Variants in DDX10 observed in about 807,000 individuals in gnomAD.
DDX10 encodes the protein DEAD-box helicase 10, also known as probable ATP-dependent RNA helicase DDX10.
A neutral mutation model predicts 104.3 loss-of-function variants in DDX10; 74 were observed. That is an observed-to-expected ratio of 0.71 (90% CI 0.59 to 0.86). DDX10 has a LOEUF of 0.86. Among genes scored for constraint, DDX10 ranks in the 40% least tolerant of loss-of-function variants. DDX10 has a pLI of 0.00. For missense variants in DDX10, 952 were observed against 1,040.0 expected (o/e 0.92, Z 1.16); for synonymous variants, 351 against 353.4 (o/e 0.99, Z 0.08).
intron 16 of DDX10, among the ~76,000 whole-genome samples, chr11:108,867,777 A>G (rs566654327): frequency 1.3e-5 from 2 of 152,300 alleles, no homozygotes; most frequent in Admixed American, 1.3e-4. Context: ...AGGAAAATGT[A>G]TAGGAAAATT....
intron 9 of DDX10, 53 bp downstream of exon 9, chr11:108,693,653 A>G (rs1294160948): frequency 1.5e-6 from 2 of 1,374,010 alleles, no homozygotes; most frequent in Non-Finnish European, 2.1e-6. Context: ...ATAACAAAGC[A>G]TGCTTTTCCA....
intron 16 of DDX10, among the ~76,000 whole-genome samples, chr11:108,911,212 A>G (rs564834234): frequency 1.3e-5 from 2 of 152,330 alleles, no homozygotes; most frequent in South Asian, 2.1e-4. Flanking sequence ...TGTGTCTGCT[A>G]TACATAATAG....
intron 13 of DDX10, among the ~76,000 whole-genome samples, chr11:108,734,655 T>C (rs1335356042): frequency 1.3e-5 from 2 of 151,954 alleles, no homozygotes. Flanking sequence ...TTATAACATC[T>C]GCTAACTACT....
chr11:108,832,000 A>G (rs1862479564), intron 13 of DDX10, among the ~76,000 whole-genome samples: 1 of 152,144 alleles, frequency 6.6e-6, no homozygotes, highest in African/African-American at 2.4e-5. Context: ...TGCAAATAGA[A>G]ATGAAAGTCA....
Position 108,787,645 on chromosome 11 carries a change from G to C in DDX10, c.1966-50801G>C, listed in dbSNP as rs569119380. 2.0e-5 allele frequency among the ~76,000 whole-genome samples: 3 copies of C among 152,038 alleles called. No individual in the cohort carries two copies. In the South Asian group the frequency reaches 6.2e-4, roughly 32 times the overall value. On this transcript the variant is annotated intron_variant, in intron 13 of 17. Transcript: ENST00000322536. ...TATTCTGCTGTTAATACTTTTGATT[G>C]TAAGGGGCTGGGTGCGATGGCTCAC...
At chr11:108,742,093 C>G (rs2094325871) in intron 13 of DDX10, among the ~76,000 whole-genome samples, 1 of 151,788 alleles carries the variant, frequency 6.6e-6, no homozygotes, top group Non-Finnish European at 1.5e-5. Context: ...AACCCTGTTT[C>G]TACTAAAAAT....
At chr11:108,685,475 C>T (rs2094242513) in intron 6 of DDX10, among the ~76,000 whole-genome samples, 1 of 151,954 alleles carries the variant, frequency 6.6e-6, no homozygotes, top group Non-Finnish European at 1.5e-5. Flanking sequence ...GATGGAAATG[C>T]AGAAATCACC....
intron 13 of DDX10, among the ~76,000 whole-genome samples, chr11:108,736,588 T>G (rs1001373278): frequency 1.3e-5 from 2 of 152,154 alleles, no homozygotes. Context: ...AAGAGGTGAT[T>G]AGGTCATGAG....
At chr11:108,765,383 C>T (rs1345716745) in intron 13 of DDX10, among the ~76,000 whole-genome samples, 2 of 152,110 alleles carry the variant, frequency 1.3e-5, no homozygotes, top group Non-Finnish European at 2.9e-5. Context: ...TAAAGTTTCA[C>T]ATACTGTAGT....
At chr11:108,812,917 G>A (rs1862203501) in intron 13 of DDX10, among the ~76,000 whole-genome samples, 1 of 141,962 alleles carries the variant, frequency 7.0e-6, no homozygotes, top group South Asian at 2.3e-4. Flanking sequence ...AGTAGGTGGA[G>A]GTTGCAGTGA....
chr11:108,877,223 G>T (rs974313118), intron 16 of DDX10, among the ~76,000 whole-genome samples: 2 of 152,074 alleles, frequency 1.3e-5, no homozygotes, highest in Non-Finnish European at 2.9e-5. Context: ...TTAAAGCTTG[G>T]TACAAACTTG....
intron 7 of DDX10, among the ~76,000 whole-genome samples, chr11:108,689,848 G>A (rs772144047): frequency 6.6e-6 from 1 of 152,150 alleles, no homozygotes; most frequent in Non-Finnish European, 1.5e-5. Flanking sequence ...ATGTAGATGG[G>A]TTTCTCTCTA....
At chr11:108,739,105 A>G (rs1422508185) in intron 13 of DDX10, among the ~76,000 whole-genome samples, 2 of 152,194 alleles carry the variant, frequency 1.3e-5, no homozygotes, top group South Asian at 4.1e-4. Context: ...CTAAGGCTGT[A>G]TGCTATCCAG....
intron 13 of DDX10, among the ~76,000 whole-genome samples, chr11:108,815,123 CAAAG>C (rs1028254457): frequency 3.3e-5 from 5 of 152,006 alleles, no homozygotes; most frequent in Admixed American, 2.0e-4. Flanking sequence ...AAATACATAA[CAAAG>C]AAAACAAAAA....
intron 16 of DDX10, among the ~76,000 whole-genome samples, chr11:108,898,627 C>A: frequency 6.9e-6 from 1 of 145,874 alleles, no homozygotes. Flanking sequence ...CAAGTCATAC[C>A]AATAATTTTC....
intron 16 of DDX10, among the ~76,000 whole-genome samples, chr11:108,867,098 G>C (rs1863016793): frequency 6.6e-6 from 1 of 152,256 alleles, no homozygotes; most frequent in East Asian, 1.9e-4. Flanking sequence ...GGTCAAATGT[G>C]CTAGGTTGAC....
intron 9 of DDX10, among the ~76,000 whole-genome samples, chr11:108,705,254 CCTT>C (rs1217360004): frequency 1.3e-5 from 2 of 152,208 alleles, no homozygotes; most frequent in African/African-American, 4.8e-5. Flanking sequence ...CCATTCTCCT[CCTT>C]TGTAGTACCT....
intron 13 of DDX10, among the ~76,000 whole-genome samples, chr11:108,811,444 C>T (rs892515108): frequency 3.9e-5 from 6 of 152,262 alleles, no homozygotes; most frequent in African/African-American, 1.4e-4. Context: ...CATGATACCT[C>T]CTCTCTGAAC....
At chr11:108,895,343 G>T (rs908478384) in intron 16 of DDX10, among the ~76,000 whole-genome samples, 2 of 150,914 alleles carry the variant, frequency 1.3e-5, no homozygotes, top group Non-Finnish European at 3.0e-5. Context: ...TCTCCTTTGG[G>T]TATAAACTCA....
Sources: allele counts gnomAD v4.1 joint callset (sites outside exome capture counted in the v4.1 genomes callset), GRCh38; gene constraint gnomAD v4.1.1; transcripts MANE v1.5; gene names NCBI Gene and HGNC (gene_info 2026-07-23, HGNC 2026-07-21).